The following OPHN1 variants were observed in gnomAD, a reference collection of about 807,000 sequenced individuals.
OPHN1 encodes the protein oligophrenin-1.
A neutral mutation model predicts 60.7 loss-of-function variants in OPHN1; 11 were observed. The observed-to-expected ratio is 0.18, with a 90% CI of 0.11 to 0.30. The LOEUF (loss-of-function observed/expected upper bound fraction) is 0.30, where lower values mean the gene tolerates loss of function less well. Ranked by LOEUF, OPHN1 falls within the 10% of genes least tolerant of loss-of-function variation. The pLI, the probability that OPHN1 is intolerant of heterozygous loss-of-function variation, is 1.00. For missense variants in OPHN1, 449 were observed against 611.0 expected, an observed-to-expected ratio of 0.73 and a Z score of 2.80; for synonymous variants, 226 against 222.6, an observed-to-expected ratio of 1.02 and a Z score of -0.14.
At chrX:68,216,740 T>A (rs1349807127) in intron 6 of OPHN1, among the ~76,000 whole-genome samples, 2 of 111,502 alleles carry the variant, frequency 1.8e-5, no homozygotes, top group Non-Finnish European at 3.8e-5. Flanking sequence ...ACTGTACAGC[T>A]GACAAAGGGC....
At chrX:68,236,067 T>G (rs2077751588) in intron 5 of OPHN1, among the ~76,000 whole-genome samples, 1 of 111,067 alleles carries the variant, frequency 9.0e-6, no homozygotes, top group South Asian at 3.8e-4. Flanking sequence ...TCAAATAAGC[T>G]GAACTAACAT....
At chrX:68,227,767 G>A (rs112637355) in intron 6 of OPHN1, among the ~76,000 whole-genome samples, 9,032 of 110,359 alleles carry the variant, frequency 0.082, 952 homozygotes, top group African/African-American at 0.28. Context: ...TGTGTAGAGG[G>A]AAATTTATAG....
chrX:68,301,373 G>A (rs2078119298), intron 2 of OPHN1, among the ~76,000 whole-genome samples: 1 of 104,332 alleles, frequency 9.6e-6, no homozygotes, highest in Admixed American at 1.1e-4. Flanking sequence ...TTGAACCTGG[G>A]AGGTGGAGGT....
At chrX:68,153,659 T>C (rs1222490023) in intron 15 of OPHN1, among the ~76,000 whole-genome samples, 2 of 111,636 alleles carry the variant, frequency 1.8e-5, no homozygotes, top group Admixed American at 9.5e-5. Context: ...TGACCCCTTG[T>C]TGAAGGGAGA....
intron 5 of OPHN1, among the ~76,000 whole-genome samples, chrX:68,238,422 G>C (rs1236526384): frequency 6.5e-5 from 7 of 107,655 alleles, no homozygotes; most frequent in African/African-American, 2.4e-4. Flanking sequence ...TTTTTTTTAA[G>C]GTTAACTTAG....
At chrX:68,078,154 G>A (rs141868437) in intron 19 of OPHN1, among the ~76,000 whole-genome samples, 3,834 of 110,875 alleles carry the variant, frequency 0.035, 81 homozygotes, top group Middle Eastern at 0.074. Flanking sequence ...TATTTTCCAG[G>A]GGACATTTCA....
intron 15 of OPHN1, among the ~76,000 whole-genome samples, chrX:68,144,143 G>A (rs753347691): frequency 1.8e-5 from 2 of 110,571 alleles, no homozygotes; most frequent in Admixed American, 9.6e-5. Context: ...CCAAATAGCT[G>A]GGAGCCTCCC....
intron 23 of OPHN1, among the ~76,000 whole-genome samples, chrX:68,051,415 CAAAAT>C (rs1292548780): frequency 2.7e-5 from 3 of 111,370 alleles, no homozygotes; most frequent in Non-Finnish European, 3.8e-5. Context: ...AAGGAAAAAA[CAAAAT>C]AAAACAAAAA....
chrX:68,099,112 T>A (rs34267108), intron 18 of OPHN1, among the ~76,000 whole-genome samples: 51,436 of 110,645 alleles, frequency 0.46, 10,308 homozygotes, highest in South Asian at 0.69. Context: ...TTTAGGATAC[T>A]CTTCCTTCTT....
chrX:68,143,575 T>C (rs1036460622), intron 15 of OPHN1, among the ~76,000 whole-genome samples: 1 of 111,724 alleles, frequency 9.0e-6, no homozygotes, highest in Non-Finnish European at 1.9e-5. Context: ...GCCTGTACAA[T>C]GTGGTTTATG....
intron 2 of OPHN1, among the ~76,000 whole-genome samples, chrX:68,405,803 A>T (rs982388528): frequency 6.3e-5 from 7 of 111,664 alleles, no homozygotes; most frequent in African/African-American, 2.3e-4. Context: ...AATGTTTTCT[A>T]AACTTTTGGG....
chrX:68,095,206 C>T (rs945563775), intron 19 of OPHN1, among the ~76,000 whole-genome samples: 1 of 111,651 alleles, frequency 9.0e-6, no homozygotes, highest in African/African-American at 3.3e-5. Flanking sequence ...AGTGGGTACT[C>T]GACACATATT....
chrX:68,370,656 T>C (rs1230523631), intron 2 of OPHN1, among the ~76,000 whole-genome samples: 1 of 112,303 alleles, frequency 8.9e-6, no homozygotes, highest in East Asian at 2.8e-4. Context: ...TCCTACTTTG[T>C]TTTTAAGTGC....
At chrX:68,265,913 G>A (rs971246815) in intron 5 of OPHN1, among the ~76,000 whole-genome samples, 26 of 111,612 alleles carry the variant, frequency 2.3e-4, no homozygotes, top group Admixed American at 1.5e-3. Flanking sequence ...CGATCAAGTG[G>A]AAGAAAGGGT....
chrX:68,362,860 G>A (rs1426095974), intron 2 of OPHN1, among the ~76,000 whole-genome samples: 1 of 111,554 alleles, frequency 9.0e-6, no homozygotes, highest in Non-Finnish European at 1.9e-5. Context: ...AATGCAAGAT[G>A]TTAATAGGGG....
In OPHN1 at chrX:68,119,287, T is replaced by C. The variant is rs2077140307; in HGVS notation, c.1322A>G (p.Asp441Gly). ...CAAGGAGCTGGTGATTGTCTTAATG[T>C]CCCAGTCACTATTATGAAAATCAAC... is the stretch of plus-strand genomic sequence containing the variant. ...GDVDFHNSDWDIKTITSSLKF... is the reference protein window; with the variant it reads ...GDVDFHNSDWGIKTITSSLKF... The change falls in exon 16 of 25, where the codon GAC becomes GGC. Residue 441 changes from aspartate to glycine, a missense_variant. Asp to Gly is a moderately conservative substitution (Grantham distance 94, BLOSUM62 -1). Transcript: ENST00000355520. 8.3e-7 allele frequency: 1 copy of C among 1,203,789 alleles called. No homozygotes were observed. Among genetic ancestry groups the C allele is most frequent in the African/African-American group, 1.8e-5 (1 of 57,045 alleles).
At chrX:68,076,311 T>G (rs2076953472) in intron 19 of OPHN1, among the ~76,000 whole-genome samples, 1 of 110,415 alleles carries the variant, frequency 9.1e-6, no homozygotes, top group African/African-American at 3.3e-5. Context: ...TTTTTTAGAC[T>G]GACCATACCA....
intron 2 of OPHN1, among the ~76,000 whole-genome samples, chrX:68,423,018 CTTTTTTTTTTTTT>C (rs1228117590): frequency 3.9e-5 from 1 of 25,350 alleles, no homozygotes; most frequent in Non-Finnish European, 1.8e-4. Context: ...ATGTAGCTTT[CTTTTTTTTTTTTT>C]TTTTCTTTTT....
At chrX:68,345,095 CTG>C (rs1282692839) in intron 2 of OPHN1, among the ~76,000 whole-genome samples, 1 of 112,301 alleles carries the variant, frequency 8.9e-6, no homozygotes, top group Non-Finnish European at 1.9e-5. Context: ...TCAAACAACT[CTG>C]TGGAGTACAA....
Sources: allele counts gnomAD v4.1 joint callset (sites outside exome capture counted in the v4.1 genomes callset), GRCh38; gene constraint gnomAD v4.1.1; transcripts MANE v1.5; gene names NCBI Gene and HGNC (gene_info 2026-07-23, HGNC 2026-07-21).